GPC5: variants seen among roughly 807,000 people sequenced by gnomAD.
GPC5 encodes the protein glypican-5.
In GPC5, 47 loss-of-function variants were observed where a neutral mutation model predicts 53.9. The ratio of observed to expected loss-of-function variants is 0.87; its 90% CI spans 0.69 to 1.11. GPC5 has a LOEUF of 1.11. Among genes scored for constraint, GPC5 ranks in the 50% most tolerant of loss-of-function variants. GPC5 has a pLI of 0.00. For synonymous variants in GPC5, 286 were observed against 263.3 expected, an observed-to-expected ratio of 1.09 and a Z score of -0.84; for missense variants, 748 against 713.1, an observed-to-expected ratio of 1.05 and a Z score of -0.56.
At chr13:91,473,955 A>G (rs901968183) in intron 2 of GPC5, among the ~76,000 whole-genome samples, 2 of 152,190 alleles carry the variant, frequency 1.3e-5, no homozygotes, top group African/African-American at 4.8e-5. Flanking sequence ...TCTGCATGAA[A>G]CAATATTGTA....
chr13:91,582,784 G>A (rs747188551), intron 2 of GPC5, among the ~76,000 whole-genome samples: 30 of 152,076 alleles, frequency 2.0e-4, no homozygotes, highest in Non-Finnish European at 3.8e-4. Context: ...AGTCTGAGGC[G>A]GGCAGATAAC....
intron 2 of GPC5, among the ~76,000 whole-genome samples, chr13:91,603,158 G>A (rs964375323): frequency 1.3e-5 from 2 of 152,308 alleles, no homozygotes; most frequent in South Asian, 2.1e-4. Context: ...GAGCCAGAGG[G>A]CATTTCTAGT....
At chr13:92,290,965 C>A (rs60793085) in intron 7 of GPC5, among the ~76,000 whole-genome samples, 6 of 152,066 alleles carry the variant, frequency 3.9e-5, no homozygotes, top group Admixed American at 6.5e-5. Context: ...CTGGGCTCGG[C>A]AGGCCCCACT....
intron 1 of GPC5, among the ~76,000 whole-genome samples, chr13:91,427,235 G>A (rs1879121475): frequency 6.6e-6 from 1 of 152,204 alleles, no homozygotes; most frequent in Non-Finnish European, 1.5e-5. Context: ...TGGAATGGTA[G>A]ATCCACTGAC....
chr13:91,894,866 A>G (rs1321979260), intron 5 of GPC5, among the ~76,000 whole-genome samples: 2 of 152,184 alleles, frequency 1.3e-5, no homozygotes, highest in African/African-American at 4.8e-5. Flanking sequence ...GGGTAAATTC[A>G]CCAGCAAGAC....
At chr13:91,498,150 C>T (rs555915036) in intron 2 of GPC5, among the ~76,000 whole-genome samples, 2 of 151,512 alleles carry the variant, frequency 1.3e-5, no homozygotes, top group South Asian at 4.2e-4. Flanking sequence ...CGCCGCCACA[C>T]ACACACGCCT....
At chr13:92,814,545 C>T (rs763903900) in intron 7 of GPC5, among the ~76,000 whole-genome samples, 8 of 151,482 alleles carry the variant, frequency 5.3e-5, no homozygotes, top group Non-Finnish European at 8.8e-5. Context: ...CTAGTAGTTC[C>T]AGCTATTTGG....
chr13:91,897,174 G>A (rs1282290184), intron 5 of GPC5, among the ~76,000 whole-genome samples: 2 of 152,118 alleles, frequency 1.3e-5, no homozygotes, highest in African/African-American at 4.8e-5. Context: ...TTGAAACTGT[G>A]TTATGCTCAA....
intron 7 of GPC5, among the ~76,000 whole-genome samples, chr13:92,479,153 A>T (rs1432974364): frequency 6.6e-6 from 1 of 152,162 alleles, no homozygotes; most frequent in Non-Finnish European, 1.5e-5. Flanking sequence ...ATTTATAGAG[A>T]TACTGGTTAA....
intron 7 of GPC5, among the ~76,000 whole-genome samples, chr13:92,655,969 A>G (rs2139174778): frequency 6.6e-6 from 1 of 152,338 alleles, no homozygotes; most frequent in South Asian, 2.1e-4. Flanking sequence ...CTGGGAATAC[A>G]ACCTTGAATA....
At chr13:92,860,777 G>A (rs1193449444) in intron 7 of GPC5, among the ~76,000 whole-genome samples, 1 of 152,064 alleles carries the variant, frequency 6.6e-6, no homozygotes, top group Non-Finnish European at 1.5e-5. Flanking sequence ...CTTATTAAAT[G>A]TAAAATTCTA....
At chr13:92,844,209 G>GA (rs35248011) in intron 7 of GPC5, among the ~76,000 whole-genome samples, 1 of 151,872 alleles carries the variant, frequency 6.6e-6, no homozygotes. Flanking sequence ...CTAAATCTTA[G>GA]AAAAAAATTA....
intron 7 of GPC5, among the ~76,000 whole-genome samples, chr13:92,248,968 T>G (rs1566503721): frequency 2.0e-5 from 3 of 152,168 alleles, no homozygotes; most frequent in South Asian, 2.1e-4. Context: ...ATACAAGGAT[T>G]ATTTTATTGC....
chr13:91,415,623 G>T (rs1039487816), intron 1 of GPC5, among the ~76,000 whole-genome samples: 1 of 151,292 alleles, frequency 6.6e-6, no homozygotes, highest in Non-Finnish European at 1.5e-5. Context: ...ACCAATCTGA[G>T]TTCAAATTTG....
chr13:92,411,346 A>G (rs1566579015), intron 7 of GPC5, among the ~76,000 whole-genome samples: 1 of 152,224 alleles, frequency 6.6e-6, no homozygotes, highest in African/African-American at 2.4e-5. Flanking sequence ...TACATGACCA[A>G]TTGGTCTATA....
chr13:92,490,758 G>T (rs1038902391), intron 7 of GPC5, among the ~76,000 whole-genome samples: 1 of 152,062 alleles, frequency 6.6e-6, no homozygotes, highest in African/African-American at 2.4e-5. Context: ...AATTAACCGT[G>T]TAACAGATAA....
intron 1 of GPC5, among the ~76,000 whole-genome samples, chr13:91,440,292 C>G (rs181488233): frequency 2.6e-5 from 4 of 152,132 alleles, no homozygotes; most frequent in Admixed American, 6.5e-5. Flanking sequence ...ATCCATCCAT[C>G]TATTTATTTT....
chr13:91,792,225 C>A (rs531392577), intron 5 of GPC5, among the ~76,000 whole-genome samples: 4 of 152,138 alleles, frequency 2.6e-5, no homozygotes, highest in Admixed American at 6.5e-5. Flanking sequence ...GACTTCACTG[C>A]GTAGCAGCAA....
At position 91,563,165 on chromosome 13, in the gene GPC5, T is replaced by C. The variant is rs116775541; in HGVS notation, c.325+114243T>C. Among the ~76,000 whole-genome samples, 1,096 of 152,246 alleles carry C rather than the reference T, an allele frequency of 7.2e-3. 21 individuals are homozygous for C. The highest frequency in any genetic ancestry group is 0.025 in the African/African-American group (1,043 of 41,568). On this transcript the variant is annotated intron_variant, in intron 2 of 7. Coordinates refer to ENST00000377067, the MANE Select transcript of GPC5 (RefSeq NM_004466.6). Reference sequence around the variant, plus strand: ...AAAATCGCAAGTAACAAGTTTAAAATTACAAAAATTGGCACATTATTATAT... The same window carrying C: ...AAAATCGCAAGTAACAAGTTTAAAACTACAAAAATTGGCACATTATTATAT...
Sources: gnomAD v4.1 joint callset for allele counts (sites outside exome capture counted in the v4.1 genomes callset) on GRCh38, gnomAD v4.1.1 for gene constraint, MANE v1.5 for transcripts, NCBI Gene and HGNC (gene_info 2026-07-23, HGNC 2026-07-21) for gene names.